The following KCNC1 variants were observed in gnomAD, a reference collection of about 807,000 sequenced individuals.
KCNC1 encodes the protein potassium voltage-gated channel subfamily C member 1, also known as voltage-gated potassium channel KCNC1.
KCNC1 carries 8 observed loss-of-function variants against 43.4 expected under a neutral mutation model. The observed-to-expected ratio is 0.18, with a 90% confidence interval of 0.11 to 0.33. The LOEUF is 0.33. Ranked by LOEUF, KCNC1 falls within the 10% of genes least tolerant of loss-of-function variation. The pLI, the probability that KCNC1 is intolerant of heterozygous loss-of-function variation, is 1.00. For missense variants in KCNC1, 420 were observed against 836.0 expected (o/e 0.50, Z 6.14); for synonymous variants, 361 against 360.5 (o/e 1.00, Z -0.01).
intron 2 of KCNC1, among the ~76,000 whole-genome samples, chr11:17,778,872 G>T (rs1849315816): frequency 1.3e-5 from 2 of 149,548 alleles, no homozygotes; most frequent in Non-Finnish European, 3.0e-5. Context: ...GTGATTAGAT[G>T]GGGGGTGGGG....
At chr11:17,745,377 C>G (rs1408334278) in intron 1 of KCNC1, among the ~76,000 whole-genome samples, 1 of 152,180 alleles carries the variant, frequency 6.6e-6, no homozygotes, top group Admixed American at 6.5e-5. Context: ...TCTCAGACAT[C>G]AACCAACCCT....
rs2133774811 is a variant in KCNC1 at position 17,736,741 on chromosome 11, G to T, written c.570+169G>T. ...GTAAGAGAGGAAGGGTGTCCGCCGG[G>T]GTTCTGGTTTTCTATGTATGTCAGT... is the stretch of plus-strand genomic sequence containing the variant. On this transcript the variant is annotated intron_variant, in intron 1 of 3. Coordinates refer to ENST00000265969, the MANE Select transcript of KCNC1 (RefSeq NM_001112741.2). The surrounding 1 kb of genome is among the most constrained non-coding windows in gnomAD (Gnocchi z 9.3). Among the ~76,000 whole-genome samples, 1 of 152,300 alleles carries T rather than the reference G, an allele frequency of 6.6e-6. No homozygotes were observed. Among genetic ancestry groups the T allele is most frequent in the East Asian group, 1.9e-4 (1 of 5,182 alleles).
In KCNC1 at chr11:17,779,608, G is replaced by A. The variant is rs531563186; in HGVS notation, c.1657G>A (p.Glu553Lys). 3.7e-5 allele frequency: 57 copies of A among 1,550,646 alleles called. 1 individual carries two copies. The South Asian group carries it at 6.1e-4, about 17-fold the overall frequency. The change falls in exon 3 of 4, where the codon GAG (glutamate) becomes AAG (lysine). Residue 553 changes from glutamate (E) to lysine (K), a missense_variant. Transcript: ENST00000265969. This position sits in a 1 kb window ranked among gnomAD's most constrained non-coding sequence, Gnocchi z 7.2. ...YGPCFLLSTGEYACPPGGGMR... is the reference protein window; with the variant it reads ...YGPCFLLSTGKYACPPGGGMR... ...ACCCTGCTTCCTCTTATCAACCGGG[G>A]AGTACGCGTGCCCACCTGGTGGAGG... is the stretch of plus-strand genomic sequence containing the variant.
At chr11:17,752,345 G>T (rs530587637) in intron 1 of KCNC1, among the ~76,000 whole-genome samples, 8 of 152,318 alleles carry the variant, frequency 5.3e-5, no homozygotes, top group African/African-American at 1.7e-4. Context: ...CGATCTCCCT[G>T]GGAAACCAGG....
rs1356422803 is a variant in KCNC1 at position 17,782,958 on chromosome 11, C to T, written c.*1224C>T. On this transcript the variant is annotated 3_prime_UTR_variant, in exon 4 of 4. Coordinates refer to ENST00000265969, the MANE Select transcript of KCNC1 (RefSeq NM_001112741.2). The stretch of plus-strand genomic sequence containing the variant: ...AACATCTCAAGCTTTCACTGCAGCT[C>T]ACAACATTTCCTGGAAAGAGAGCAA... 1 of 152,210 alleles carries T rather than the reference C, an allele frequency of 6.6e-6. No homozygotes were observed. Among genetic ancestry groups the T allele is most frequent in the African/African-American group, 2.4e-5 (1 of 41,444 alleles). The allele number at this position is 152,210 out of a possible 1,614,324, so 9.4% of individuals were successfully genotyped here.
rs2133806132 is a variant in KCNC1, at chr11:17,773,191, C to G, written c.1504+593C>G. On this transcript the variant is annotated intron_variant, in intron 2 of 3. Coordinates refer to ENST00000265969, the MANE Select transcript of KCNC1 (RefSeq NM_001112741.2). The surrounding 1 kb of genome is among the most constrained non-coding windows in gnomAD (Gnocchi z 4.1). ...GATTTCGGGCTGCCCAGCTCGAGGT[C>G]CTTCCCAGGAGACGCCTGTAGCCCT... 1.0e-6 allele frequency: 1 copy of G among 986,584 alleles called. No individual in the cohort carries two copies. The highest frequency in any genetic ancestry group is 1.1e-4 in the East Asian group (1 of 8,828). 61.1% of individuals were successfully genotyped at this position (986,584 alleles called of 1,614,324 possible).
At chr11:17,775,563 C>G (rs1849275977) in intron 2 of KCNC1, 1 of 985,424 alleles carries the variant, frequency 1.0e-6, no homozygotes, top group Admixed American at 6.1e-5. Context: ...CCAGGAGAAG[C>G]TACTTCTCTC....
chr11:17,737,334 A>G lies in KCNC1; in HGVS notation c.570+762A>G, dbSNP rs577924563. ...GGCTTATGCCAGTGCTTCCTCTGGG[A>G]CATCCCGTGGTGGGGAGAGGGGGTC... is the stretch of plus-strand genomic sequence containing the variant. On this transcript the variant is annotated intron_variant, in intron 1 of 3. Coordinates refer to ENST00000265969, the MANE Select transcript of KCNC1 (RefSeq NM_001112741.2). Among the ~76,000 whole-genome samples the G allele has an allele frequency of 4.1e-3, 628 of 152,074 alleles. 3 individuals carry two copies. Among genetic ancestry groups the G allele is most frequent in the Non-Finnish European group, 5.4e-3 (365 of 67,978 alleles).
intron 1 of KCNC1, among the ~76,000 whole-genome samples, chr11:17,761,400 CG>C (rs1461369049): frequency 6.6e-6 from 1 of 152,256 alleles, no homozygotes; most frequent in Non-Finnish European, 1.5e-5. Flanking sequence ...AGGGCCGCCT[CG>C]GCCAGCTCCC....
At chr11:17,744,604 G>T (rs1484153087) in intron 1 of KCNC1, among the ~76,000 whole-genome samples, 1 of 152,178 alleles carries the variant, frequency 6.6e-6, no homozygotes, top group African/African-American at 2.4e-5. Flanking sequence ...TTCGCTTCCT[G>T]CCCTTAGGGA....
intron 1 of KCNC1, among the ~76,000 whole-genome samples, chr11:17,762,352 C>G (rs1403250902): frequency 6.6e-6 from 1 of 152,184 alleles, no homozygotes; most frequent in Non-Finnish European, 1.5e-5. Flanking sequence ...AGGACCAGGG[C>G]GGGAGGGTCC....
chr11:17,754,033 A>G (rs1341008071), intron 1 of KCNC1, among the ~76,000 whole-genome samples: 3 of 152,192 alleles, frequency 2.0e-5, no homozygotes, highest in Admixed American at 1.3e-4. Context: ...CGCACTCTCC[A>G]TGAATGACAT....
Position 17,735,813 on chromosome 11 carries a change from G to A in KCNC1, c.-190G>A, listed in dbSNP as rs945260137. The A allele has an allele frequency of 8.9e-6, 5 of 559,140 alleles. No individual in the cohort carries two copies. The highest frequency in any genetic ancestry group is 2.0e-5 in the African/African-American group (1 of 49,074). 34.6% of individuals were successfully genotyped at this position (559,140 alleles called of 1,614,324 possible). On this transcript the variant is annotated 5_prime_UTR_variant, in exon 1 of 4. Transcript: ENST00000265969. The surrounding 1 kb of genome is among the most constrained non-coding windows in gnomAD (Gnocchi z 6.7). ...GATCCCGCGCACATTCCCCTGGACCGGCACCCGACAAAGCGCCCGGAGAGG... is the reference window on the plus strand; with the variant it reads ...GATCCCGCGCACATTCCCCTGGACCAGCACCCGACAAAGCGCCCGGAGAGG...
In KCNC1 at chr11:17,766,248, C is replaced by T. The variant is rs565286786; in HGVS notation, c.571-5417C>T. Among the ~76,000 whole-genome samples the T allele has an allele frequency of 1.6e-3, 241 of 152,334 alleles. 5 individuals are homozygous for T. The South Asian group carries it at 0.049, about 31-fold the overall frequency. ...TTTCTGGTGGTGTGTGGCGATGTGT[C>T]TCCGCATGTGCTCCATGGGCTCCTG... On this transcript the variant is annotated intron_variant, in intron 1 of 3. Coordinates refer to ENST00000265969, the MANE Select transcript of KCNC1 (RefSeq NM_001112741.2).
intron 1 of KCNC1, among the ~76,000 whole-genome samples, chr11:17,769,213 G>A (rs961105778): frequency 3.3e-5 from 5 of 152,132 alleles, no homozygotes; most frequent in Non-Finnish European, 7.3e-5. Context: ...CTTCACCTGA[G>A]CTAGGCAGGG....
chr11:17,764,522 G>A (rs959345302), intron 1 of KCNC1, among the ~76,000 whole-genome samples: 2 of 152,022 alleles, frequency 1.3e-5, no homozygotes, highest in African/African-American at 4.8e-5. Context: ...TACCTACCCC[G>A]CTAACACTCC....
chr11:17,757,622 C>T (rs561458192), intron 1 of KCNC1, among the ~76,000 whole-genome samples: 5 of 152,254 alleles, frequency 3.3e-5, no homozygotes, highest in South Asian at 4.2e-4. Flanking sequence ...AGGCATACCT[C>T]GGTGATATTG....
chr11:17,774,541 G>T, intron 2 of KCNC1: 1 of 985,666 alleles, frequency 1.0e-6, no homozygotes, highest in Non-Finnish European at 1.2e-6. Flanking sequence ...GAGTGCAGAT[G>T]TGTTTGTTCA....
chr11:17,736,852 TGTG>T lies in KCNC1; in HGVS notation c.570+287_570+289del, dbSNP rs1331131088. Among the ~76,000 whole-genome samples the T allele has an allele frequency of 6.6e-6, 1 of 152,124 alleles. No individual in the cohort carries two copies. The highest frequency in any genetic ancestry group is 2.4e-5 in the African/African-American group (1 of 41,416). ...GATTGTGTGTGCATATTTATGTAAGTGTGGTGGTGTGTATTTGGGTGGGTAAAG... is the reference window on the plus strand; with the variant it reads ...GATTGTGTGTGCATATTTATGTAAGTGTGGTGTGTATTTGGGTGGGTAAAG... On this transcript the variant is annotated intron_variant, in intron 1 of 3. Coordinates refer to ENST00000265969, the MANE Select transcript of KCNC1 (RefSeq NM_001112741.2). This position sits in a 1 kb window ranked among gnomAD's most constrained non-coding sequence, Gnocchi z 9.3.
Sources: allele counts gnomAD v4.1 joint callset (sites outside exome capture counted in the v4.1 genomes callset), GRCh38; gene constraint gnomAD v4.1.1; non-coding constraint Gnocchi (gnomAD v3.1); transcripts MANE v1.5; gene names NCBI Gene and HGNC (gene_info 2026-07-23, HGNC 2026-07-21).